The following HIBCH variants were observed in gnomAD, a reference collection of about 807,000 sequenced individuals.
The protein encoded by HIBCH is 3-hydroxyisobutyryl-CoA hydrolase.
Under a neutral mutation model 58.2 loss-of-function variants are expected in HIBCH, and 50 were observed. That is an observed-to-expected ratio of 0.86 (90% CI 0.68 to 1.09). The LOEUF is 1.09. Ranked by LOEUF, HIBCH falls within the 50% of genes least tolerant of loss-of-function variation. HIBCH has a pLI of 0.00. For missense variants in HIBCH, 450 were observed against 449.7 expected (o/e 1.00, Z -0.01); for synonymous variants, 151 against 146.9 (o/e 1.03, Z -0.20).
intron 1 of HIBCH, among the ~76,000 whole-genome samples, chr2:190,193,159 T>A (rs568248949): frequency 6.6e-6 from 1 of 152,234 alleles, no homozygotes; most frequent in Non-Finnish European, 1.5e-5. Context: ...TTGCTGGGAT[T>A]TTAAAAATAA....
chr2:190,190,478 C>A (rs1689659419), intron 1 of HIBCH, among the ~76,000 whole-genome samples: 1 of 152,078 alleles, frequency 6.6e-6, no homozygotes, highest in African/African-American at 2.4e-5. Flanking sequence ...GGGTTGTTTC[C>A]AGCTTTGACT....
At chr2:190,195,412 G>A (rs569077609) in intron 1 of HIBCH, among the ~76,000 whole-genome samples, 1 of 152,258 alleles carries the variant, frequency 6.6e-6, no homozygotes, top group South Asian at 2.1e-4. Context: ...TCCTCCCAAG[G>A]TAACCGTACC....
rs1411430830 is a variant in HIBCH, at chr2:190,205,066, G to A, written c.*51C>T. 1 of 956,628 alleles carries A rather than the reference G, an allele frequency of 1.0e-6. No homozygotes were observed. The highest frequency in any genetic ancestry group is 1.7e-6 in the Non-Finnish European group (1 of 590,934). The allele number at this position is 956,628 out of a possible 1,614,324, so 59.3% of individuals were successfully genotyped here. On this transcript the variant is annotated 3_prime_UTR_variant, in exon 14 of 14. Transcript: ENST00000359678. ...GCAGCAGGCTGGATTTGGCCCACAT[G>A]CTGTAGATTGCCAACCCATGCTACA...
intron 6 of HIBCH, among the ~76,000 whole-genome samples, chr2:190,285,017 C>T (rs1687795626): frequency 6.6e-6 from 1 of 152,122 alleles, no homozygotes; most frequent in African/African-American, 2.4e-5. Context: ...TCAAAACATT[C>T]ATTTTCATCA....
intron 11 of HIBCH, among the ~76,000 whole-genome samples, chr2:190,218,145 C>T (rs915706000): frequency 6.9e-6 from 1 of 145,550 alleles, no homozygotes; most frequent in Non-Finnish European, 1.5e-5. Flanking sequence ...TGGGAATTTA[C>T]GGAACCAAAG....
rs373090267 is a variant in HIBCH at position 190,210,396 on chromosome 2, C to CT, written c.1012-1484dup. ...CTCCTGGTCCTCCTACCTCTCCATC[C>CT]TTTTTTTCCTTCCTACTGCTCTTTC... On this transcript the variant is annotated intron_variant, in intron 12 of 13. Coordinates refer to ENST00000359678, the MANE Select transcript of HIBCH (RefSeq NM_014362.4). The surrounding 1 kb of genome is among the most constrained non-coding windows in gnomAD (Gnocchi z 5.5). Among the ~76,000 whole-genome samples the CT allele has an allele frequency of 1.3e-5, 2 of 152,282 alleles. No homozygotes were observed. Among genetic ancestry groups the CT allele is most frequent in the South Asian group, 2.1e-4 (1 of 4,816 alleles).
At chr2:190,228,052 T>A (rs1017098934) in intron 11 of HIBCH, among the ~76,000 whole-genome samples, 1 of 152,100 alleles carries the variant, frequency 6.6e-6, no homozygotes, top group African/African-American at 2.4e-5. Context: ...CATTACCGAG[T>A]ATGTACCCAA....
At chr2:190,289,533 T>C (rs922314352) in intron 5 of HIBCH, among the ~76,000 whole-genome samples, 4 of 152,146 alleles carry the variant, frequency 2.6e-5, no homozygotes, top group Non-Finnish European at 5.9e-5. Context: ...GGGAAAGTAA[T>C]GGCACTGAGG....
chr2:190,212,982 C>T lies in HIBCH; in HGVS notation c.985G>A (p.Glu329Lys). Reference sequence around the variant, plus strand: ...ATACAAGCTTGACTTAGCCGATACTCCATAGTTAGTACTTCTTGCAAGGTC... The same window carrying T: ...ATACAAGCTTGACTTAGCCGATACTTCATAGTTAGTACTTCTTGCAAGGTC... The part of the protein sequence containing the change: ...SKTLQEVLTM[E>K]YRLSQACMRG... The change falls in exon 12 of 14, where the codon GAG becomes AAG. Residue 329 changes from glutamate (E) to lysine (K), a missense_variant. By Grantham distance (56) the Glu-to-Lys change is moderately conservative. Transcript: ENST00000359678. 1 of 1,611,956 alleles carries T rather than the reference C, an allele frequency of 6.2e-7. No individual in the cohort carries two copies. The highest frequency in any genetic ancestry group is 8.5e-7 in the Non-Finnish European group (1 of 1,178,794).
At chr2:190,266,821 A>C (rs746087967) in intron 6 of HIBCH, among the ~76,000 whole-genome samples, 41 of 152,128 alleles carry the variant, frequency 2.7e-4, no homozygotes, top group Non-Finnish European at 5.0e-4. Flanking sequence ...CAGTGGCACA[A>C]TATCAGCTCA....
At chr2:190,267,182 C>A (rs1687266730) in intron 6 of HIBCH, among the ~76,000 whole-genome samples, 1 of 152,064 alleles carries the variant, frequency 6.6e-6, no homozygotes, top group African/African-American at 2.4e-5. Flanking sequence ...ACAACATCTA[C>A]AAATCTCATG....
intron 2 of HIBCH, among the ~76,000 whole-genome samples, chr2:190,299,648 AG>A (rs2124831446): frequency 6.6e-6 from 1 of 152,306 alleles, no homozygotes; most frequent in Non-Finnish European, 1.5e-5. Flanking sequence ...TCTAAATGCT[AG>A]GAAACAGTGT....
intron 11 of HIBCH, among the ~76,000 whole-genome samples, chr2:190,242,628 C>T (rs559466348): frequency 1.3e-5 from 2 of 152,036 alleles, no homozygotes; most frequent in South Asian, 4.2e-4. Context: ...TTTTTGTTGA[C>T]ATGAGGTGCT....
intron 7 of HIBCH, among the ~76,000 whole-genome samples, chr2:190,259,193 A>G (rs926447266): frequency 3.3e-5 from 5 of 152,216 alleles, no homozygotes; most frequent in Admixed American, 6.5e-5. Flanking sequence ...CTGAATCTGT[A>G]GATCACTTTG....
chr2:190,219,046 C>T (rs547660204), intron 11 of HIBCH, among the ~76,000 whole-genome samples: 5 of 152,304 alleles, frequency 3.3e-5, no homozygotes, highest in East Asian at 1.9e-4. Flanking sequence ...AGGGAACCTC[C>T]GTAACCTGTT....
intron 3 of HIBCH, 54 bp downstream of exon 3, chr2:190,296,759 A>G (rs1187256506): frequency 6.8e-7 from 1 of 1,460,940 alleles, no homozygotes; most frequent in East Asian, 2.3e-5. Flanking sequence ...GAAATGTCCT[A>G]TTATGATATA....
chr2:190,314,991 A>AG (rs1365864257), intron 1 of HIBCH, among the ~76,000 whole-genome samples: 1 of 151,246 alleles, frequency 6.6e-6, no homozygotes, highest in Non-Finnish European at 1.5e-5. Flanking sequence ...TCTGTCGCCC[A>AG]GGCTGGAGTG....
rs1273360826 is a variant in HIBCH at position 190,209,179 on chromosome 2, C to G, written c.1012-266G>C. ...TTTCTCCCCATCTGTGCTGGCTTCACTTTGCTCTTCATCCAGCCCAATTTC... is the reference window on the plus strand; with the variant it reads ...TTTCTCCCCATCTGTGCTGGCTTCAGTTTGCTCTTCATCCAGCCCAATTTC... On this transcript the variant is annotated intron_variant, in intron 12 of 13. Transcript: ENST00000359678. The surrounding 1 kb of genome is among the most constrained non-coding windows in gnomAD (Gnocchi z 5.6). Among the ~76,000 whole-genome samples, 1 of 152,214 alleles carries G rather than the reference C, an allele frequency of 6.6e-6. No homozygotes were observed. The highest frequency in any genetic ancestry group is 1.5e-5 in the Non-Finnish European group (1 of 68,030).
rs1389753789 is a variant in HIBCH, at chr2:190,294,020, GTGTATATATATATATA to G, written c.304+510_304+525del. On this transcript the variant is annotated intron_variant, in intron 4 of 13. Transcript: ENST00000359678. ...ATATATTTTGTAATATATATTTTGT[GTGTATATATATATATA>G]TATATATATATATATATAGCAACAG... 6.4e-5 allele frequency among the ~76,000 whole-genome samples: 8 copies of G among 125,836 alleles called. No individual in the cohort carries two copies. In the East Asian group the frequency reaches 1.2e-3, roughly 18 times the overall value. The allele number at this position is 125,836 out of a possible 152,430, so 82.6% of individuals were successfully genotyped here.
Sources: allele counts gnomAD v4.1 joint callset (sites outside exome capture counted in the v4.1 genomes callset), GRCh38; gene constraint gnomAD v4.1.1; non-coding constraint Gnocchi (gnomAD v3.1); transcripts MANE v1.5; gene names NCBI Gene and HGNC (gene_info 2026-07-23, HGNC 2026-07-21).